Variants in ZDHHC8 observed in about 807,000 individuals in gnomAD.
ZDHHC8 encodes the protein zDHHC palmitoyltransferase 8.
Under a neutral mutation model 61.2 loss-of-function variants are expected in ZDHHC8, and 24 were observed. That is an observed-to-expected ratio of 0.39 (90% CI 0.28 to 0.55). The LOEUF (loss-of-function observed/expected upper bound fraction) is 0.55. Ranked by LOEUF, ZDHHC8 falls within the 20% of genes least tolerant of loss-of-function variation. The pLI, the probability that ZDHHC8 is intolerant of heterozygous loss-of-function variation, is 0.60. For missense variants in ZDHHC8, 935 were observed against 1,102.1 expected, an observed-to-expected ratio of 0.85 and a Z score of 2.15; for synonymous variants, 523 against 492.5, an observed-to-expected ratio of 1.06 and a Z score of -0.82.
chr22:20,141,598 C>A, intron 9 of ZDHHC8, 68 bp downstream of exon 9: 2 of 1,352,800 alleles, frequency 1.5e-6, no homozygotes, highest in Non-Finnish European at 2.0e-6. Flanking sequence ...GCTCGCCCCA[C>A]AGCCTTCACC....
In ZDHHC8 at chr22:20,145,415, A is replaced by G; in HGVS notation, c.*15A>G. ...TCTCGGTGTGAGGACTGACTGCCAC[A>G]CATCCGCCATGGTGCCACGGGGACC... On this transcript the variant is annotated 3_prime_UTR_variant, in exon 11 of 11. Transcript: ENST00000334554. 3 of 1,489,850 alleles carry G rather than the reference A, an allele frequency of 2.0e-6. No homozygotes were observed. The highest frequency in any genetic ancestry group is 2.7e-6 in the Non-Finnish European group (3 of 1,115,774). 92.3% of individuals were successfully genotyped at this position (1,489,850 alleles called of 1,614,324 possible).
rs547372837 is a variant in ZDHHC8, at chr22:20,146,145, G to C, written c.*745G>C. On this transcript the variant is annotated 3_prime_UTR_variant, in exon 11 of 11. Coordinates refer to ENST00000334554, the MANE Select transcript of ZDHHC8 (RefSeq NM_013373.4). The stretch of plus-strand genomic sequence containing the variant: ...ATGCTCTTGTGGGAGGCGACGGGGG[G>C]GCAGGCGGGAGCAGGCACGGGGGTG... 3.2e-5 allele frequency: 32 copies of C among 985,666 alleles called. No homozygotes were observed. In the Admixed American group the frequency reaches 6.1e-4, roughly 19 times the overall value. The allele number at this position is 985,666 out of a possible 1,614,324, so 61.1% of individuals were successfully genotyped here.
In ZDHHC8 at chr22:20,142,796, TC is replaced by T; in HGVS notation, c.1168del (p.Arg390ValfsTer44). ...PDSLTLGDDSIRSLDFVSEPS... is the reference protein window; with the variant it reads ...PDSLTLGDDSXRSLDFVSEPS... ...TCCCTGACCCTGGGGGACGACAGCA[TC>T]CGTAGCCTGGACTTTGTGTCCGAGC... On this transcript the variant is annotated frameshift_variant, in exon 10 of 11. Coordinates refer to ENST00000334554, the MANE Select transcript of ZDHHC8 (RefSeq NM_013373.4). LOFTEE classifies it high-confidence loss of function. The T allele has an allele frequency of 6.2e-7, 1 of 1,612,676 alleles. No individual in the cohort carries two copies. The highest frequency in any genetic ancestry group is 8.5e-7 in the Non-Finnish European group (1 of 1,179,944).
intron 9 of ZDHHC8, among the ~76,000 whole-genome samples, chr22:20,142,554 G>A (rs1294494229): frequency 6.6e-6 from 1 of 152,204 alleles, no homozygotes; most frequent in Non-Finnish European, 1.5e-5. Flanking sequence ...GTAGCCAGCT[G>A]TGGCCTCCCT....
chr22:20,146,719 G>T lies in ZDHHC8; in HGVS notation c.*1319G>T, dbSNP rs905676690. ...GCAGTGACAGGGTGTTTGGGGGAAA[G>T]ACTTGGGTCTGCCGCTACCCACAGG... On this transcript the variant is annotated 3_prime_UTR_variant, in exon 11 of 11. Coordinates refer to ENST00000334554, the MANE Select transcript of ZDHHC8 (RefSeq NM_013373.4). 52 of 1,157,710 alleles carry T rather than the reference G, an allele frequency of 4.5e-5. No homozygotes were observed. The highest frequency in any genetic ancestry group is 2.4e-4 in the Admixed American group (5 of 21,084). 71.7% of individuals were successfully genotyped at this position (1,157,710 alleles called of 1,614,324 possible). A position where few individuals can be genotyped will look rare whatever the true frequency, so the allele number is the denominator to read the frequency against.
chr22:20,140,555 CCCCTGCCCA>C (rs2050459124), intron 5 of ZDHHC8, 53 bp from the exon 6 acceptor site: 2 of 1,480,362 alleles, frequency 1.4e-6, no homozygotes, highest in African/African-American at 2.8e-5. Context: ...CTTGCCCAGC[CCCCTGCCCA>C]CCCTGGCCTG....
rs1425676628 is a variant in ZDHHC8 at position 20,143,506 on chromosome 22, A to T, written c.1876A>T (p.Thr626Ser). Reference sequence around the variant, plus strand: ...TGGCGCCCGCAACCCTGCCCTGCAGACGTCACTGTCCTCGCTGTCCAGCTC... The same window carrying T: ...TGGCGCCCGCAACCCTGCCCTGCAGTCGTCACTGTCCTCGCTGTCCAGCTC... ...FGGARNPALQ[T>S]SLSSLSSSVS... Residue 626 changes from threonine to serine, a missense_variant, in exon 10 of 11, where the codon ACG becomes TCG. Transcript: ENST00000334554. The T allele has an allele frequency of 1.9e-6, 3 of 1,600,766 alleles. No homozygotes were observed. Among genetic ancestry groups the T allele is most frequent in the Non-Finnish European group, 2.5e-6 (3 of 1,179,024 alleles).
chr22:20,142,666 A>T, intron 9 of ZDHHC8, 90 bp from the exon 10 acceptor site: 1 of 1,552,504 alleles, frequency 6.4e-7, no homozygotes, highest in Non-Finnish European at 8.8e-7. Flanking sequence ...TCCTGAGGCC[A>T]CGGTGCCATG....
chr22:20,131,890 CCCCGGCCGGCCCTG>C lies in ZDHHC8; in HGVS notation c.-53_-40del. 1 of 796,996 alleles carries C rather than the reference CCCCGGCCGGCCCTG, an allele frequency of 1.3e-6. No homozygotes were observed. Among genetic ancestry groups the C allele is most frequent in the Non-Finnish European group, 1.5e-6 (1 of 657,536 alleles). 49.4% of individuals were successfully genotyped at this position (796,996 alleles called of 1,614,324 possible). On this transcript the variant is annotated 5_prime_UTR_variant, in exon 1 of 11. Transcript: ENST00000334554. ...GCCCGCCCGCCCGACCCCGGCCCGA[CCCCGGCCGGCCCTG>C]CCCGCCCGGCCCCGGGGAGGGATGC...
In ZDHHC8 at chr22:20,132,010, C is replaced by A; in HGVS notation, c.63C>A (p.Ala21=). 1 of 1,391,498 alleles carries A rather than the reference C, an allele frequency of 7.2e-7. No homozygotes were observed. Among genetic ancestry groups the A allele is most frequent in the South Asian group, 1.3e-5 (1 of 75,108 alleles). The allele number at this position is 1,391,498 out of a possible 1,614,324, so 86.2% of individuals were successfully genotyped here. A position where few individuals can be genotyped will look rare whatever the true frequency, so the allele number is the denominator to read the frequency against. ...PAKYIPVATA[A]ALLVGSSTLF... is the part of the protein sequence containing the mutation. ...AGTACATCCCGGTGGCCACGGCCGC[C>A]GCGCTGCTGGTCGGCTCCAGCACCC... Residue 21 remains alanine, a synonymous_variant, in exon 1 of 11, where the codon GCC becomes GCA. Transcript: ENST00000334554.
chr22:20,140,495 C>A, intron 5 of ZDHHC8, 122 bp from the exon 6 acceptor site: 1 of 1,089,806 alleles, frequency 9.2e-7, no homozygotes. Flanking sequence ...TGGGCTGATC[C>A]CACCTAAGCC....
chr22:20,135,823 G>T (rs924899235), intron 1 of ZDHHC8, among the ~76,000 whole-genome samples: 2 of 152,260 alleles, frequency 1.3e-5, no homozygotes, highest in African/African-American at 4.8e-5. Context: ...TGACAAGGGC[G>T]CAGCAGCTTC....
At chr22:20,136,173 T>C (rs2050418353) in intron 1 of ZDHHC8, among the ~76,000 whole-genome samples, 1 of 152,260 alleles carries the variant, frequency 6.6e-6, no homozygotes, top group East Asian at 1.9e-4. Context: ...CAGAGGGACA[T>C]GGCGGGCCAG....
In ZDHHC8 at chr22:20,147,289, G is replaced by T; in HGVS notation, c.*1889G>T. 1 of 1,389,010 alleles carries T rather than the reference G, an allele frequency of 7.2e-7. No homozygotes were observed. Among genetic ancestry groups the T allele is most frequent in the Middle Eastern group, 2.7e-4 (1 of 3,744 alleles). 86.0% of individuals were successfully genotyped at this position (1,389,010 alleles called of 1,614,324 possible). On this transcript the variant is annotated 3_prime_UTR_variant, in exon 11 of 11. Transcript: ENST00000334554. ...GACAGCCCAGCTGGGGACCCAGGAG[G>T]TCAGACTGCAGTGGACCCTGGGGCA...
chr22:20,139,137 G>A (rs933522083), intron 1 of ZDHHC8, 57 bp from the exon 2 acceptor site: 12 of 1,578,286 alleles, frequency 7.6e-6, no homozygotes, highest in African/African-American at 4.0e-5. Flanking sequence ...ATAGCTCTGC[G>A]CCTGCATCCG....
intron 1 of ZDHHC8, among the ~76,000 whole-genome samples, chr22:20,136,108 G>T (rs2148003474): frequency 6.6e-6 from 1 of 152,274 alleles, no homozygotes; most frequent in Non-Finnish European, 1.5e-5. Context: ...TCGGGGCTGG[G>T]CCCCCTGGAC....
Position 20,141,288 on chromosome 22 carries a change from G to A in ZDHHC8, c.966G>A (p.Glu322=), listed in dbSNP as rs911977226. ...GGCCACCACTGCCCCCCAAGATAGA[G>A]GCTGGCACGTTCAGCAGTGACCTGC... ...DLGPPLPPKI[E]AGTFSSDLQT... is the part of the protein sequence containing the mutation. The change falls in exon 8 of 11, where the codon GAG becomes GAA. Residue 322 remains glutamate (E), a synonymous_variant. Transcript: ENST00000334554. 1.2e-6 allele frequency: 2 copies of A among 1,612,798 alleles called. No homozygotes were observed. Among genetic ancestry groups the A allele is most frequent in the African/African-American group, 1.3e-5 (1 of 74,924 alleles).
At chr22:20,132,261 C>T (rs550786981) in intron 1 of ZDHHC8, among the ~76,000 whole-genome samples, 111 of 152,342 alleles carry the variant, frequency 7.3e-4, no homozygotes, top group Non-Finnish European at 1.5e-3. Context: ...GGGTGAGTCC[C>T]TTGTGTGGGG....
At chr22:20,135,783 G>A (rs1015877585) in intron 1 of ZDHHC8, among the ~76,000 whole-genome samples, 5 of 152,240 alleles carry the variant, frequency 3.3e-5, no homozygotes, top group East Asian at 3.9e-4. Context: ...ACAGGTAGGT[G>A]CAGGTACTTC....
Sources: gnomAD v4.1 joint callset for allele counts (sites outside exome capture counted in the v4.1 genomes callset) on GRCh38, gnomAD v4.1.1 for gene constraint, MANE v1.5 for transcripts, NCBI Gene and HGNC (gene_info 2026-07-23, HGNC 2026-07-21) for gene names.